MTAP: variants seen among roughly 807,000 people sequenced by gnomAD.
The protein encoded by MTAP is methylthioadenosine phosphorylase.
In MTAP, 33 loss-of-function variants were observed where a neutral mutation model predicts 33.6. That is an observed-to-expected ratio of 0.98 (90% CI 0.74 to 1.31). The LOEUF (loss-of-function observed/expected upper bound fraction) is 1.31, where lower values mean the gene tolerates loss of function less well. Ranked by LOEUF, MTAP falls within the 40% of genes most tolerant of loss-of-function variation. The pLI, the probability that MTAP is intolerant of heterozygous loss-of-function variation, is 0.00. For missense variants in MTAP, 367 were observed against 360.0 expected (o/e 1.02, Z -0.16); for synonymous variants, 148 against 125.7 (o/e 1.18, Z -1.19).
At chr9:21,928,514 G>T (rs1479925058) in intron 1 of MTAP, among the ~76,000 whole-genome samples, 1 of 152,082 alleles carries the variant, frequency 6.6e-6, no homozygotes, top group Non-Finnish European at 1.5e-5. Flanking sequence ...GCCCCACAAG[G>T]ACTGAAAAGG....
chr9:21,857,915 T>G (rs899726450), intron 6 of MTAP, among the ~76,000 whole-genome samples: 1 of 152,246 alleles, frequency 6.6e-6, no homozygotes, highest in African/African-American at 2.4e-5. Context: ...TGGAGTAGTT[T>G]AATAGGCTTC....
rs147098093 is a variant in MTAP, at chr9:21,844,686, A to G, written c.450+6676A>G. 2.6e-3 allele frequency among the ~76,000 whole-genome samples: 396 copies of G among 152,316 alleles called. 1 individual carries two copies. Among genetic ancestry groups the G allele is most frequent in the African/African-American group, 9.0e-3 (375 of 41,556 alleles). On this transcript the variant is annotated intron_variant, in intron 5 of 7. Coordinates refer to ENST00000644715, the MANE Select transcript of MTAP (RefSeq NM_002451.4). The stretch of plus-strand genomic sequence containing the variant: ...ATTTGACACAATCCTCCATCTAGTT[A>G]TAATTAAAACCCTCAGCAAAATTGG...
At chr9:21,932,747 G>C (rs1013750718), downstream of MTAP, 1 of 151,954 alleles carries the variant, frequency 6.6e-6, no homozygotes, top group Non-Finnish European at 1.5e-5. Flanking sequence ...AATAAAATAC[G>C]TCTCCCATTT....
intron 1 of MTAP, among the ~76,000 whole-genome samples, chr9:21,900,909 C>A (rs527375828): frequency 6.6e-6 from 1 of 152,122 alleles, no homozygotes; most frequent in East Asian, 1.9e-4. Context: ...AGTAAACTAA[C>A]GCAAGAACAG....
intron 5 of MTAP, 42 bp from the exon 6 acceptor site, chr9:21,854,589 A>T: frequency 6.6e-7 from 1 of 1,506,912 alleles, no homozygotes; most frequent in Non-Finnish European, 8.9e-7. Context: ...TAAGTTGTGC[A>T]TGTGCTAGTA....
intron 4 of MTAP, among the ~76,000 whole-genome samples, chr9:21,825,484 T>A (rs1824770407): frequency 6.6e-6 from 1 of 152,180 alleles, no homozygotes; most frequent in African/African-American, 2.4e-5. Flanking sequence ...ACCAGCAGTA[T>A]ACAAGGGTTC....
chr9:21,917,215 G>T (rs553372409), intron 1 of MTAP, among the ~76,000 whole-genome samples: 1 of 152,348 alleles, frequency 6.6e-6, no homozygotes, highest in Non-Finnish European at 1.5e-5. Context: ...TAATACCCAA[G>T]TGGAGATGTC....
At chr9:21,831,735 A>C (rs1824971601) in intron 4 of MTAP, among the ~76,000 whole-genome samples, 1 of 152,110 alleles carries the variant, frequency 6.6e-6, no homozygotes, top group African/African-American at 2.4e-5. Context: ...GAGAAGGATG[A>C]GATTTCTTTT....
chr9:21,841,373 A>G (rs556370467), intron 5 of MTAP, among the ~76,000 whole-genome samples: 4 of 152,172 alleles, frequency 2.6e-5, no homozygotes, highest in Non-Finnish European at 4.4e-5. Context: ...CCAGGACGGA[A>G]AAGACAACAC....
At chr9:21,875,328 A>G (rs939454859) in intron 1 of MTAP, among the ~76,000 whole-genome samples, 5 of 152,042 alleles carry the variant, frequency 3.3e-5, no homozygotes, top group Admixed American at 3.3e-4. Context: ...GGTTTTGATT[A>G]GCATTTCTCT....
Position 21,854,831 on chromosome 9 carries a change from G to T in MTAP, c.651G>T (p.Met217Ile), listed in dbSNP as rs1223847215. 4 of 1,614,054 alleles carry T rather than the reference G, an allele frequency of 2.5e-6. No individual in the cohort carries two copies. Among genetic ancestry groups the T allele is most frequent in the Non-Finnish European group, 3.4e-6 (4 of 1,180,004 alleles). Residue 217 changes from methionine (M) to isoleucine (I), a missense_variant, in exon 6 of 8, where the codon ATG becomes ATT. Met to Ile is a conservative substitution (Grantham distance 10, BLOSUM62 1). Transcript: ENST00000644715. ...GAATTTGTTACGCAAGTATCGCCATGGCGACAGATTATGACTGCTGGAAGG... is the reference window on the plus strand; with the variant it reads ...GAATTTGTTACGCAAGTATCGCCATTGCGACAGATTATGACTGCTGGAAGG... Reference protein sequence around the residue: ...EAGICYASIAMATDYDCWKEH... With the variant: ...EAGICYASIAIATDYDCWKEH...
chr9:21,848,737 T>G (rs1324572348), intron 5 of MTAP, among the ~76,000 whole-genome samples: 2 of 152,194 alleles, frequency 1.3e-5, no homozygotes, highest in Non-Finnish European at 2.9e-5. Flanking sequence ...TGAAGAGCCC[T>G]GTAATTGCTC....
chr9:21,912,345 A>G (rs1162541012), intron 1 of MTAP, among the ~76,000 whole-genome samples: 4 of 152,208 alleles, frequency 2.6e-5, no homozygotes, highest in African/African-American at 9.7e-5. Flanking sequence ...AGAATTTTAG[A>G]CCAATATTCC....
intron 5 of MTAP, among the ~76,000 whole-genome samples, chr9:21,847,322 A>C (rs956485439): frequency 6.6e-6 from 1 of 152,196 alleles, no homozygotes; most frequent in Non-Finnish European, 1.5e-5. Flanking sequence ...ACCCTGACTA[A>C]TACAGATTTT....
At chr9:21,815,883 A>G (rs1824462053) in intron 2 of MTAP, among the ~76,000 whole-genome samples, 1 of 152,212 alleles carries the variant, frequency 6.6e-6, no homozygotes, top group South Asian at 2.1e-4. Context: ...TAATTAGGGG[A>G]CAGGCTGATG....
chr9:21,930,817 T>TC (rs2131047733), intron 1 of MTAP: 1 of 695,950 alleles, frequency 1.4e-6, no homozygotes, highest in Admixed American at 2.4e-5. Context: ...ATCAGACAAC[T>TC]CCTAAATCGA....
chr9:21,894,329 C>T (rs945162659), intron 1 of MTAP, among the ~76,000 whole-genome samples: 2 of 152,004 alleles, frequency 1.3e-5, no homozygotes, highest in South Asian at 2.1e-4. Context: ...AAGCATTCCC[C>T]GTGAGAACTG....
At chr9:21,815,409 C>A (rs774581752) in intron 1 of MTAP, 24 bp from the exon 2 acceptor site, 15 of 1,470,654 alleles carry the variant, frequency 1.0e-5, no homozygotes, top group East Asian at 2.3e-5. Flanking sequence ...ATACAATAAT[C>A]TTCTCTGTCT....
At chr9:21,807,319 A>T (rs1280621912) in intron 1 of MTAP, among the ~76,000 whole-genome samples, 4 of 152,164 alleles carry the variant, frequency 2.6e-5, no homozygotes. Context: ...ATGGGCCTTT[A>T]CACTCCCTGC....
Sources: allele counts gnomAD v4.1 joint callset (sites outside exome capture counted in the v4.1 genomes callset), GRCh38; gene constraint gnomAD v4.1.1; transcripts MANE v1.5; gene names NCBI Gene and HGNC (gene_info 2026-07-23, HGNC 2026-07-21).